Variants in NSD2 observed in about 807,000 individuals in gnomAD.
NSD2 encodes the protein histone-lysine N-methyltransferase NSD2.
In NSD2, 12 loss-of-function variants were observed where a neutral mutation model predicts 139.0. The ratio of observed to expected loss-of-function variants is 0.09; its 90% confidence interval spans 0.06 to 0.14. NSD2 has a LOEUF of 0.14. Among genes scored for constraint, NSD2 ranks in the 10% least tolerant of loss-of-function variants. NSD2 has a pLI of 1.00. For synonymous variants in NSD2, 669 were observed against 648.7 expected (o/e 1.03, Z -0.48); for missense variants, 1,155 against 1,745.0 (o/e 0.66, Z 6.02).
At chr4:1,895,397 T>C (rs1470881840) in intron 1 of NSD2, among the ~76,000 whole-genome samples, 2 of 152,224 alleles carry the variant, frequency 1.3e-5, no homozygotes, top group Non-Finnish European at 2.9e-5. Flanking sequence ...ATGAATGTTA[T>C]GTCTTAATTT....
At chr4:1,943,846 A>G (rs1200557868) in intron 9 of NSD2, 1 of 1,062,872 alleles carries the variant, frequency 9.4e-7, no homozygotes, top group African/African-American at 1.6e-5. Flanking sequence ...GGTGAAAATG[A>G]AGGGATTTCA....
chr4:1,904,997 G>T (rs1320872309), intron 3 of NSD2, among the ~76,000 whole-genome samples: 2 of 152,162 alleles, frequency 1.3e-5, no homozygotes, highest in Non-Finnish European at 2.9e-5. Context: ...GGACGTGGTG[G>T]TGCACGCCTG....
intron 5 of NSD2, among the ~76,000 whole-genome samples, chr4:1,921,287 G>A (rs899000705): frequency 1.3e-5 from 2 of 151,762 alleles, no homozygotes; most frequent in Non-Finnish European, 2.9e-5. Context: ...GTGAAACCCC[G>A]TCTCTACCAA....
At position 1,948,428 on chromosome 4, in the gene NSD2, C is replaced by G. The variant is rs1021891937; in HGVS notation, c.1882-2644C>G. 4.7e-6 allele frequency: 5 copies of G among 1,066,234 alleles called. No homozygotes were observed. Among genetic ancestry groups the G allele is most frequent in the African/African-American group, 3.3e-5 (2 of 61,004 alleles). The allele number at this position is 1,066,234 out of a possible 1,614,324, so 66.0% of individuals were successfully genotyped here. A position where few individuals can be genotyped will look rare whatever the true frequency, so the allele number is the denominator to read the frequency against. On this transcript the variant is annotated intron_variant, in intron 9 of 21. Transcript: ENST00000508803. This position sits in a 1 kb window ranked among gnomAD's most constrained non-coding sequence, Gnocchi z 4.5. ...CGTCACCTGGTGCGTGGAGGTGGAGCCTGCGGCTGGAGTAAGGCTTGCTGT... is the reference window on the plus strand; with the variant it reads ...CGTCACCTGGTGCGTGGAGGTGGAGGCTGCGGCTGGAGTAAGGCTTGCTGT...
chr4:1,930,983 C>T (rs1577471917), intron 6 of NSD2, among the ~76,000 whole-genome samples: 1 of 152,200 alleles, frequency 6.6e-6, no homozygotes, highest in East Asian at 1.9e-4. Flanking sequence ...CAATGTAGTG[C>T]CTTCTGGCCT....
intron 21 of NSD2, 145 bp from the exon 22 acceptor site, chr4:1,978,493 C>CA: frequency 8.4e-7 from 1 of 1,189,312 alleles, no homozygotes; most frequent in Non-Finnish European, 1.2e-6. Context: ...CTGTGGTAGA[C>CA]AGTTTGTCTG....
At chr4:1,927,241 T>C (rs1265618386) in intron 5 of NSD2, among the ~76,000 whole-genome samples, 1 of 152,156 alleles carries the variant, frequency 6.6e-6, no homozygotes, top group African/African-American at 2.4e-5. Flanking sequence ...TGGATATCTT[T>C]TATGCCCTAC....
At chr4:1,935,905 A>G (rs1423279153) in intron 7 of NSD2, among the ~76,000 whole-genome samples, 4 of 152,232 alleles carry the variant, frequency 2.6e-5, no homozygotes, top group African/African-American at 9.6e-5. Context: ...TAACCTCTCT[A>G]TAGGGCTTAT....
At chr4:1,940,695 C>A in intron 9 of NSD2, 1 of 1,061,374 alleles carries the variant, frequency 9.4e-7, no homozygotes, top group Non-Finnish European at 1.1e-6. Flanking sequence ...GGTAGTGAGG[C>A]AAGGGTTGGA....
chr4:1,976,211 C>T lies in NSD2; in HGVS notation c.3622-264C>T. On this transcript the variant is annotated intron_variant, in intron 20 of 21. Coordinates refer to ENST00000508803, the MANE Select transcript of NSD2 (RefSeq NM_001042424.3). This position sits in a 1 kb window ranked among gnomAD's most constrained non-coding sequence, Gnocchi z 5.3. Reference sequence around the variant, plus strand: ...ATCAGCAGATCCTGGAGCTGTGTGTCTGCTGAGATGCTGCTGAGATGCGTC... The same window carrying T: ...ATCAGCAGATCCTGGAGCTGTGTGTTTGCTGAGATGCTGCTGAGATGCGTC... 2 of 476,534 alleles carry T rather than the reference C, an allele frequency of 4.2e-6. No individual in the cohort carries two copies. The highest frequency in any genetic ancestry group is 7.6e-6 in the Non-Finnish European group (2 of 262,380). 29.5% of individuals were successfully genotyped at this position (476,534 alleles called of 1,614,324 possible).
chr4:1,978,872 G>A lies in NSD2; in HGVS notation c.4061G>A (p.Arg1354Gln), dbSNP rs903302389. The change falls in exon 22 of 22, where the codon CGG becomes CAG. Residue 1354 changes from arginine (R) to glutamine (Q), a missense_variant. Physicochemically the swap from Arg to Gln is conservative, Grantham distance 43. Transcript: ENST00000508803. Reference sequence around the variant, plus strand: ...GGGAAGCCGAAGGGGAAGAGGCGGCGGCGGAGGGGCTGGCGGAGAGTCACA... The same window carrying A: ...GGGAAGCCGAAGGGGAAGAGGCGGCAGCGGAGGGGCTGGCGGAGAGTCACA... ...EPGKPKGKRRRRRGWRRVTEG... is the reference protein window; with the variant it reads ...EPGKPKGKRRQRRGWRRVTEG... The A allele has an allele frequency of 2.5e-6, 4 of 1,591,120 alleles. No homozygotes were observed. The highest frequency in any genetic ancestry group is 4.5e-5 in the East Asian group (2 of 44,240).
chr4:1,928,204 T>C (rs1197607631), intron 5 of NSD2, among the ~76,000 whole-genome samples: 33 of 149,066 alleles, frequency 2.2e-4, no homozygotes. Flanking sequence ...GTCCAGCTTG[T>C]TTTTTGATAT....
At chr4:1,899,949 G>A (rs1456172261) in intron 1 of NSD2, among the ~76,000 whole-genome samples, 1 of 152,240 alleles carries the variant, frequency 6.6e-6, no homozygotes, top group African/African-American at 2.4e-5. Flanking sequence ...AGTGGACTGA[G>A]ATAAGAATAC....
At chr4:1,893,515 A>T (rs1030863039) in intron 1 of NSD2, among the ~76,000 whole-genome samples, 4 of 150,984 alleles carry the variant, frequency 2.6e-5, no homozygotes, top group Non-Finnish European at 4.4e-5. Context: ...ATATTGCAAG[A>T]TGTATTTTGC....
chr4:1,964,679 C>T (rs1468249164), intron 18 of NSD2, among the ~76,000 whole-genome samples: 1 of 152,180 alleles, frequency 6.6e-6, no homozygotes, highest in Non-Finnish European at 1.5e-5. Flanking sequence ...GCCCCTCCCC[C>T]TCCAGCTGAA....
chr4:1,940,019 T>C (rs1722925757), intron 9 of NSD2: 1 of 1,366,884 alleles, frequency 7.3e-7, no homozygotes, highest in Non-Finnish European at 9.4e-7. Flanking sequence ...TGTACAGATA[T>C]ACTTCAGTCT....
chr4:1,934,046 A>G (rs578102666), intron 6 of NSD2, among the ~76,000 whole-genome samples: 2 of 151,948 alleles, frequency 1.3e-5, no homozygotes, highest in Non-Finnish European at 2.9e-5. Flanking sequence ...CTTAAATTCC[A>G]CAAGTCTTTG....
chr4:1,904,923 G>C (rs1230949828), intron 3 of NSD2, among the ~76,000 whole-genome samples: 1 of 152,178 alleles, frequency 6.6e-6, no homozygotes, highest in African/African-American at 2.4e-5. Flanking sequence ...TTGAGGTCAG[G>C]AGTTCGAGAC....
intron 18 of NSD2, among the ~76,000 whole-genome samples, chr4:1,962,775 A>G (rs1344477464): frequency 1.3e-5 from 2 of 152,100 alleles, no homozygotes; most frequent in African/African-American, 4.8e-5. Context: ...GGCCTAAGCA[A>G]TCCTCTCACC....
Sources: allele counts gnomAD v4.1 joint callset (sites outside exome capture counted in the v4.1 genomes callset), GRCh38; gene constraint gnomAD v4.1.1; non-coding constraint Gnocchi (gnomAD v3.1); transcripts MANE v1.5; gene names NCBI Gene and HGNC (gene_info 2026-07-23, HGNC 2026-07-21).